PHF24: variants seen among roughly 807,000 people sequenced by gnomAD.
PHF24 encodes PHD finger protein 24.
In PHF24, 25 loss-of-function variants were observed where a neutral mutation model predicts 42.6. That is an observed-to-expected ratio of 0.59 (90% CI 0.43 to 0.82). The LOEUF (loss-of-function observed/expected upper bound fraction) is 0.82, where lower values mean the gene tolerates loss of function less well. Among genes scored for constraint, PHF24 ranks in the 40% least tolerant of loss-of-function variants. The probability of loss-of-function intolerance (pLI) is 0.00; values close to 1 mark genes in which losing one functional copy is unlikely to be tolerated. For synonymous variants in PHF24, 185 were observed against 204.8 expected (o/e 0.90, Z 0.83); for missense variants, 470 against 538.1 (o/e 0.87, Z 1.25).
the PHF24 span, among the ~76,000 whole-genome samples, chr9:34,674,378 C>G: frequency 1.3e-3 from 198 of 152,364 alleles, no homozygotes; most frequent in African/African-American, 4.6e-3. Flanking sequence ...TCTTGTTTCA[C>G]TTGCCAACTT....
the PHF24 span, among the ~76,000 whole-genome samples, chr9:34,788,686 T>C: frequency 6.6e-6 from 1 of 152,040 alleles, no homozygotes; most frequent in Non-Finnish European, 1.5e-5. Flanking sequence ...TGTGCTCCCA[T>C]TGTTAGAGTA....
the PHF24 span, among the ~76,000 whole-genome samples, chr9:34,877,996 T>C: frequency 6.6e-6 from 1 of 152,180 alleles, no homozygotes; most frequent in Non-Finnish European, 1.5e-5. Context: ...CATTATACAT[T>C]GGTCAGAACC....
At chr9:34,922,714 C>T in the PHF24 span, 1 of 1,550,494 alleles carries the variant, frequency 6.4e-7, no homozygotes, top group Non-Finnish European at 8.8e-7. Context: ...TCAGCACCTT[C>T]TGTCTTTTGT....
the PHF24 span, among the ~76,000 whole-genome samples, chr9:34,939,933 A>C: frequency 6.6e-6 from 1 of 152,216 alleles, no homozygotes; most frequent in African/African-American, 2.4e-5. Context: ...GTGACAGAGC[A>C]GGAGCACTGT....
the PHF24 span, among the ~76,000 whole-genome samples, chr9:34,884,536 G>A: frequency 6.6e-6 from 1 of 152,160 alleles, no homozygotes; most frequent in South Asian, 2.1e-4. Flanking sequence ...AAAGGATAAT[G>A]AGGCTGCTGG....
the PHF24 span, among the ~76,000 whole-genome samples, chr9:34,802,202 TCTC>T: frequency 0.33 from 49,430 of 151,856 alleles, 8,621 homozygotes; most frequent in East Asian, 0.55. Flanking sequence ...ACAGCAACAC[TCTC>T]CTCTGGAGAC....
the PHF24 span, among the ~76,000 whole-genome samples, chr9:34,710,624 C>T: frequency 1.9e-4 from 29 of 149,972 alleles, no homozygotes; most frequent in South Asian, 3.4e-3. Context: ...AGCACCACTG[C>T]GCCTGGCTGA....
chr9:34,719,818 C>CT, the PHF24 span, among the ~76,000 whole-genome samples: 71 of 152,342 alleles, frequency 4.7e-4, 2 homozygotes, highest in East Asian at 0.013. Context: ...GAGGATGTGC[C>CT]TGTCACAATA....
At chr9:34,935,932 A>G in the PHF24 span, among the ~76,000 whole-genome samples, 1 of 151,952 alleles carries the variant, frequency 6.6e-6, no homozygotes, top group Non-Finnish European at 1.5e-5. Context: ...GGTAAGGGAT[A>G]GAGTTTCAGC....
the PHF24 span, among the ~76,000 whole-genome samples, chr9:34,849,471 C>T: frequency 2.0e-5 from 3 of 151,720 alleles, no homozygotes; most frequent in Non-Finnish European, 4.4e-5. Context: ...TTCCTCCATC[C>T]TTTTATTTTG....
the PHF24 span, among the ~76,000 whole-genome samples, chr9:34,703,794 G>A: frequency 6.6e-6 from 1 of 151,732 alleles, no homozygotes; most frequent in African/African-American, 2.4e-5. Context: ...TCAAACTCTT[G>A]GGCTTAAGCC....
At chr9:34,720,969 C>T in the PHF24 span, among the ~76,000 whole-genome samples, 2 of 152,222 alleles carry the variant, frequency 1.3e-5, no homozygotes, top group Admixed American at 1.3e-4. Flanking sequence ...ATACGGTTCC[C>T]CCTTCCCACA....
intron 1 of PHF24, among the ~76,000 whole-genome samples, chr9:34,961,118 AC>A (rs1826575233): frequency 6.6e-6 from 1 of 152,120 alleles, no homozygotes; most frequent in Admixed American, 6.6e-5. Context: ...AATTTTTTCC[AC>A]TACACCTGTT....
At chr9:34,880,799 G>A in the PHF24 span, among the ~76,000 whole-genome samples, 4 of 152,080 alleles carry the variant, frequency 2.6e-5, no homozygotes, top group Non-Finnish European at 5.9e-5. Flanking sequence ...ACAGATCAAC[G>A]AGACAGAACA....
the PHF24 span, among the ~76,000 whole-genome samples, chr9:34,717,543 G>A: frequency 2.7e-5 from 4 of 149,130 alleles, no homozygotes; most frequent in African/African-American, 9.8e-5. Flanking sequence ...AGAGGGCAGT[G>A]GACTCTCTTC....
At chr9:34,779,665 T>C in the PHF24 span, among the ~76,000 whole-genome samples, 1 of 152,192 alleles carries the variant, frequency 6.6e-6, no homozygotes, top group African/African-American at 2.4e-5. Context: ...AGTAGACATA[T>C]AGACAAATGG....
the PHF24 span, among the ~76,000 whole-genome samples, chr9:34,704,311 G>A: frequency 4.6e-5 from 7 of 152,042 alleles, no homozygotes; most frequent in Admixed American, 6.6e-5. Context: ...GATTATAGGC[G>A]TGAGCTGCCA....
the PHF24 span, among the ~76,000 whole-genome samples, chr9:34,716,073 C>T: frequency 6.6e-5 from 10 of 152,270 alleles, no homozygotes; most frequent in South Asian, 1.2e-3. Flanking sequence ...GGTCAAAGGG[C>T]CTGGGTGCGT....
chr9:34,746,938 T>A, the PHF24 span, among the ~76,000 whole-genome samples: 1 of 152,100 alleles, frequency 6.6e-6, no homozygotes. Context: ...TAGGAAAAAT[T>A]TCTTAAAAAG....
Sources: allele counts gnomAD v4.1 joint callset (sites outside exome capture counted in the v4.1 genomes callset), GRCh38; gene constraint gnomAD v4.1.1; transcripts MANE v1.5; gene names NCBI Gene and HGNC (gene_info 2026-07-23, HGNC 2026-07-21).